The following EPYC variants were observed in gnomAD, a reference collection of about 807,000 sequenced individuals.
EPYC encodes the protein dermatan sulfate proteoglycan 3.
In EPYC, 28 loss-of-function variants were observed where a neutral mutation model predicts 30.1. The ratio of observed to expected loss-of-function variants is 0.93; its 90% CI spans 0.69 to 1.28. The LOEUF is 1.28. EPYC is among the 50% of genes most tolerant of loss of function. EPYC has a pLI of 0.00. For synonymous variants in EPYC, 144 were observed against 141.4 expected (o/e 1.02, Z -0.13); for missense variants, 382 against 383.5 (o/e 1.00, Z 0.03).
intron 2 of EPYC, among the ~76,000 whole-genome samples, chr12:90,994,396 A>C (rs999384824): frequency 8.5e-5 from 13 of 152,160 alleles, no homozygotes; most frequent in Non-Finnish European, 1.8e-4. Context: ...AATCCTCAAA[A>C]GGTATCTTCT....
intron 3 of EPYC, among the ~76,000 whole-genome samples, chr12:90,975,744 T>C (rs1007224060): frequency 2.6e-5 from 4 of 152,240 alleles, no homozygotes; most frequent in Admixed American, 2.0e-4. Context: ...TAAGTAATGT[T>C]CTAGGGATAT....
intron 2 of EPYC, among the ~76,000 whole-genome samples, chr12:90,982,224 G>A (rs1877339965): frequency 6.6e-6 from 1 of 152,062 alleles, no homozygotes; most frequent in Non-Finnish European, 1.5e-5. Context: ...ATAGACTACT[G>A]ATATAAAGTT....
In EPYC at chr12:90,978,233, C is replaced by G. The variant is rs1877236377; in HGVS notation, c.195G>C (p.Gly65=). ...EIEIATVMPS[G]NRELLTPPPQ... ...GGGGTGGAGTGAGGAGCTCTCTGTTCCCTGAAGGCATCACTGTGGCTATTT... is the reference window on the plus strand; with the variant it reads ...GGGGTGGAGTGAGGAGCTCTCTGTTGCCTGAAGGCATCACTGTGGCTATTT... The change falls in exon 3 of 7, where the codon GGG becomes GGC. Residue 65 remains glycine, a synonymous_variant. Transcript: ENST00000261172. The G allele has an allele frequency of 1.9e-6, 3 of 1,593,344 alleles. No homozygotes were observed. Among genetic ancestry groups the G allele is most frequent in the African/African-American group, 2.8e-5 (2 of 72,130 alleles).
intron 6 of EPYC, among the ~76,000 whole-genome samples, chr12:90,965,970 T>C (rs142307334): frequency 1.3e-5 from 2 of 152,084 alleles, no homozygotes; most frequent in Non-Finnish European, 2.9e-5. Flanking sequence ...GATATTTGTA[T>C]ATTGATTTTG....
intron 2 of EPYC, among the ~76,000 whole-genome samples, chr12:90,982,485 T>C (rs1877345438): frequency 6.6e-6 from 1 of 152,062 alleles, no homozygotes; most frequent in Non-Finnish European, 1.5e-5. Flanking sequence ...TCCAACCTCC[T>C]GGCCCCAGGC....
chr12:90,967,623 A>T (rs368611605), intron 6 of EPYC, among the ~76,000 whole-genome samples: 15 of 152,284 alleles, frequency 9.9e-5, no homozygotes, highest in Admixed American at 3.9e-4. Context: ...ATTGGTTTTC[A>T]GTGTTGTCCA....
At chr12:90,980,890 A>G (rs1422753999) in intron 2 of EPYC, among the ~76,000 whole-genome samples, 1 of 152,166 alleles carries the variant, frequency 6.6e-6, no homozygotes, top group Admixed American at 6.6e-5. Flanking sequence ...GTTTAAAAAT[A>G]TAATACAAAT....
chr12:90,993,533 C>A (rs1920761), intron 2 of EPYC, among the ~76,000 whole-genome samples: 124,087 of 151,948 alleles, frequency 0.82, 50,949 homozygotes, highest in Non-Finnish European at 0.87. Context: ...GCCCAGAAAA[C>A]CTTTACTATT....
chr12:90,991,436 T>C (rs1242989302), intron 2 of EPYC, among the ~76,000 whole-genome samples: 1 of 151,532 alleles, frequency 6.6e-6, no homozygotes, highest in Non-Finnish European at 1.5e-5. Flanking sequence ...ACATATCCAA[T>C]TAAGAATATC....
intron 5 of EPYC, 129 bp from the exon 6 acceptor site, chr12:90,970,268 G>A (rs1365687139): frequency 1.5e-6 from 1 of 667,620 alleles, no homozygotes; most frequent in Non-Finnish European, 2.5e-6. Flanking sequence ...TCCAGTTCAG[G>A]TCTTGTTTTG....
At position 90,964,173 on chromosome 12, in the gene EPYC, C is replaced by T. The variant is rs567065670; in HGVS notation, c.952G>A (p.Val318Ile). The T allele has an allele frequency of 1.2e-6, 2 of 1,611,858 alleles. No homozygotes were observed. Among genetic ancestry groups the T allele is most frequent in the African/African-American group, 1.3e-5 (1 of 75,020 alleles). ...ATCTGAAATTAGACAAGGCTCCCAA[C>T]AGGCAGACGAGGTAGACACATGTAT... Reference protein sequence around the residue: ...QAYMCLPRLPVGSLV With the variant: ...QAYMCLPRLPIGSLV Residue 318 changes from valine (V) to isoleucine (I), a missense_variant, in exon 7 of 7, where the codon GTT (valine) becomes ATT (isoleucine). Val to Ile is a conservative substitution (Grantham distance 29). Coordinates refer to ENST00000261172, the MANE Select transcript of EPYC (RefSeq NM_004950.5).
At chr12:90,965,638 T>C (rs903645503) in intron 6 of EPYC, among the ~76,000 whole-genome samples, 6 of 152,148 alleles carry the variant, frequency 3.9e-5, no homozygotes, top group African/African-American at 1.4e-4. Flanking sequence ...TTATAACCTA[T>C]AACATTGCTG....
intron 2 of EPYC, among the ~76,000 whole-genome samples, chr12:90,993,715 G>C (rs1877637432): frequency 1.3e-5 from 2 of 150,980 alleles, no homozygotes; most frequent in African/African-American, 2.4e-5. Context: ...ATATGATATA[G>C]CAGATAATAT....
At chr12:90,994,282 G>A (rs1056208902) in intron 2 of EPYC, among the ~76,000 whole-genome samples, 5 of 152,122 alleles carry the variant, frequency 3.3e-5, no homozygotes, top group Non-Finnish European at 5.9e-5. Context: ...AGCTTCAGTG[G>A]CTTTTAATTG....
chr12:91,002,318 C>A (rs1451628956), intron 2 of EPYC, 83 bp downstream of exon 2: 8 of 1,214,338 alleles, frequency 6.6e-6, no homozygotes, highest in South Asian at 1.6e-5. Context: ...TAAAAAAACC[C>A]AAACATCTAT....
intron 3 of EPYC, among the ~76,000 whole-genome samples, chr12:90,977,525 T>C (rs1202187038): frequency 6.6e-6 from 1 of 152,168 alleles, no homozygotes; most frequent in Non-Finnish European, 1.5e-5. Context: ...AAACCTGCTA[T>C]GTAACAGCTT....
At chr12:91,002,189 CAAA>C (rs34987645) in intron 2 of EPYC, among the ~76,000 whole-genome samples, 1,277 of 73,448 alleles carry the variant, frequency 0.017, 9 homozygotes, top group Non-Finnish European at 0.023. Context: ...GACACTGTCT[CAAA>C]AAAAAAAAAA....
chr12:91,001,520 C>T (rs909493208), intron 2 of EPYC, among the ~76,000 whole-genome samples: 1 of 151,982 alleles, frequency 6.6e-6, no homozygotes, highest in African/African-American at 2.4e-5. Flanking sequence ...AGCCTGTATC[C>T]TTTAGTTATA....
chr12:90,978,951 A>G (rs1489688021), intron 2 of EPYC, among the ~76,000 whole-genome samples: 1 of 152,178 alleles, frequency 6.6e-6, no homozygotes, highest in Non-Finnish European at 1.5e-5. Flanking sequence ...GTTAAAATGG[A>G]CTTCTTTGAG....
Sources: gnomAD v4.1 joint callset for allele counts (sites outside exome capture counted in the v4.1 genomes callset) on GRCh38, gnomAD v4.1.1 for gene constraint, MANE v1.5 for transcripts, NCBI Gene and HGNC (gene_info 2026-07-23, HGNC 2026-07-21) for gene names.